Variants in RIT2 observed in about 807,000 individuals in gnomAD.
RIT2 encodes GTP-binding protein Rit2.
In RIT2, 24 loss-of-function variants were observed where a neutral mutation model predicts 23.7. That is an observed-to-expected ratio of 1.01 (90% CI 0.73 to 1.43). RIT2 has a LOEUF of 1.43. Ranked by LOEUF, RIT2 falls within the 40% of genes most tolerant of loss-of-function variation. RIT2 has a pLI of 0.00. For missense variants in RIT2, 236 were observed against 266.9 expected, an observed-to-expected ratio of 0.88 and a Z score of 0.81; for synonymous variants, 107 against 91.1, an observed-to-expected ratio of 1.17 and a Z score of -0.99.
intron 3 of RIT2, among the ~76,000 whole-genome samples, chr18:42,945,838 C>CA (rs1204474580): frequency 2.0e-5 from 3 of 151,884 alleles, no homozygotes; most frequent in South Asian, 2.1e-4. Flanking sequence ...CAACAAATAA[C>CA]AAAAAATACT....
chr18:42,961,907 G>C (rs971276389), intron 3 of RIT2, among the ~76,000 whole-genome samples: 12 of 152,184 alleles, frequency 7.9e-5, no homozygotes, highest in African/African-American at 2.9e-4. Context: ...ACTCTGTAGA[G>C]TCTTTATAAA....
intron 4 of RIT2, among the ~76,000 whole-genome samples, chr18:42,763,227 C>G (rs902773851): frequency 4.6e-5 from 7 of 152,106 alleles, no homozygotes; most frequent in Non-Finnish European, 1.0e-4. Flanking sequence ...CTTTGGGAGG[C>G]CAAGGCAGGT....
chr18:43,077,433 T>C (rs985583102), intron 1 of RIT2, among the ~76,000 whole-genome samples: 26 of 152,274 alleles, frequency 1.7e-4, no homozygotes, highest in African/African-American at 2.6e-4. Context: ...ACATTTTTTT[T>C]TGTGGCATTT....
At chr18:43,081,698 T>G (rs1227591377) in intron 1 of RIT2, among the ~76,000 whole-genome samples, 1 of 152,176 alleles carries the variant, frequency 6.6e-6, no homozygotes, top group Non-Finnish European at 1.5e-5. Flanking sequence ...CAGGTCTTTT[T>G]ATTTCCTGTT....
intron 4 of RIT2, among the ~76,000 whole-genome samples, chr18:42,804,590 A>G (rs571873229): frequency 7.7e-6 from 1 of 130,122 alleles, no homozygotes; most frequent in Non-Finnish European, 1.5e-5. Context: ...AAAAAAATTG[A>G]AAAAAAAAGA....
At chr18:43,027,813 G>C (rs1017715704) in intron 2 of RIT2, among the ~76,000 whole-genome samples, 4 of 152,036 alleles carry the variant, frequency 2.6e-5, no homozygotes, top group African/African-American at 9.7e-5. Flanking sequence ...TTTCATAAAA[G>C]GTTTAGGTTT....
intron 4 of RIT2, among the ~76,000 whole-genome samples, chr18:42,763,482 A>C (rs1016140757): frequency 8.1e-5 from 12 of 147,938 alleles, no homozygotes; most frequent in Non-Finnish European, 1.6e-4. Flanking sequence ...AAAAAGGTAC[A>C]CCTGTATGGG....
chr18:43,024,571 A>G (rs1911666889), intron 2 of RIT2, among the ~76,000 whole-genome samples: 1 of 152,144 alleles, frequency 6.6e-6, no homozygotes. Context: ...ATAGAACTTA[A>G]TTAAACTAAA....
At position 43,024,394 on chromosome 18, in the gene RIT2, C is replaced by G. The variant is rs189381915; in HGVS notation, c.160+9417G>C. 3.3e-5 allele frequency among the ~76,000 whole-genome samples: 5 copies of G among 152,088 alleles called. No individual in the cohort carries two copies. The East Asian group carries it at 9.7e-4, about 29-fold the overall frequency. On this transcript the variant is annotated intron_variant, in intron 2 of 4. Coordinates refer to ENST00000326695, the MANE Select transcript of RIT2 (RefSeq NM_002930.4). ...ACTGGACCCCTATCTTTACCATATA[C>G]AAATATTAACTCAAGATGGATTAGA...
chr18:42,860,809 C>A (rs1197676454), intron 4 of RIT2, among the ~76,000 whole-genome samples: 1 of 152,148 alleles, frequency 6.6e-6, no homozygotes, highest in Non-Finnish European at 1.5e-5. Context: ...GAAAAAATGA[C>A]CTCATTCTGC....
chr18:42,801,885 C>T (rs1044941089), intron 4 of RIT2, among the ~76,000 whole-genome samples: 1 of 152,170 alleles, frequency 6.6e-6, no homozygotes, highest in Admixed American at 6.5e-5. Context: ...GATGTTTCTG[C>T]GGTTTGTTGA....
intron 4 of RIT2, among the ~76,000 whole-genome samples, chr18:42,833,446 T>G (rs899257730): frequency 6.6e-6 from 1 of 152,228 alleles, no homozygotes; most frequent in African/African-American, 2.4e-5. Context: ...CCAATAAACA[T>G]GGGAGTGCAG....
At chr18:42,991,874 T>A (rs935558924) in intron 2 of RIT2, among the ~76,000 whole-genome samples, 1 of 152,084 alleles carries the variant, frequency 6.6e-6, no homozygotes. Flanking sequence ...CTTTTCGGAC[T>A]CAGCCCGCCT....
intron 4 of RIT2, among the ~76,000 whole-genome samples, chr18:42,882,079 T>C (rs1398117862): frequency 6.6e-6 from 1 of 152,248 alleles, no homozygotes; most frequent in East Asian, 1.9e-4. Context: ...CTATTTCACA[T>C]TGGGCTCTTG....
At chr18:43,020,710 A>C (rs1172872027) in intron 2 of RIT2, among the ~76,000 whole-genome samples, 1 of 152,080 alleles carries the variant, frequency 6.6e-6, no homozygotes, top group African/African-American at 2.4e-5. Context: ...GAAATCCACA[A>C]ATTTATAGCC....
intron 1 of RIT2, among the ~76,000 whole-genome samples, chr18:43,044,843 T>G (rs762637143): frequency 6.6e-6 from 1 of 152,192 alleles, no homozygotes; most frequent in Admixed American, 6.5e-5. Context: ...CTTTACTTTC[T>G]TGACATTTCC....
chr18:43,049,712 T>A (rs1912331295), intron 1 of RIT2, among the ~76,000 whole-genome samples: 1 of 152,056 alleles, frequency 6.6e-6, no homozygotes. Flanking sequence ...TAATAGTTAA[T>A]GATGCACATG....
chr18:43,017,229 T>C (rs1911495261), intron 2 of RIT2, among the ~76,000 whole-genome samples: 1 of 152,028 alleles, frequency 6.6e-6, no homozygotes. Context: ...TAGCTCATTT[T>C]AGGTACGCTT....
At chr18:42,998,442 G>T (rs1298268962) in intron 2 of RIT2, among the ~76,000 whole-genome samples, 2 of 152,056 alleles carry the variant, frequency 1.3e-5, no homozygotes, top group Non-Finnish European at 2.9e-5. Flanking sequence ...CTGCTAAAGT[G>T]CATAATACTC....
Sources: gnomAD v4.1 joint callset for allele counts (sites outside exome capture counted in the v4.1 genomes callset) on GRCh38, gnomAD v4.1.1 for gene constraint, MANE v1.5 for transcripts, NCBI Gene and HGNC (gene_info 2026-07-23, HGNC 2026-07-21) for gene names.